The following ABLIM1 variants were observed in gnomAD, a reference collection of about 807,000 sequenced individuals.
ABLIM1 encodes the protein actin-binding LIM protein 1.
In ABLIM1, 40 loss-of-function variants were observed where a neutral mutation model predicts 107.0. The ratio of observed to expected loss-of-function variants is 0.37; its 90% CI spans 0.29 to 0.49. The LOEUF is 0.49. Ranked by LOEUF, ABLIM1 falls within the 20% of genes least tolerant of loss-of-function variation. ABLIM1 has a pLI of 0.97. For missense variants in ABLIM1, 857 were observed against 1,008.5 expected, an observed-to-expected ratio of 0.85 and a Z score of 2.04; for synonymous variants, 357 against 357.3, an observed-to-expected ratio of 1.00 and a Z score of 0.01.
chr10:114,673,130 T>C (rs986615152), intron 1 of ABLIM1, among the ~76,000 whole-genome samples: 6 of 151,736 alleles, frequency 4.0e-5, no homozygotes, highest in Admixed American at 2.6e-4. Flanking sequence ...TGGTGGTGCA[T>C]GCCTGCAATC....
intron 6 of ABLIM1, among the ~76,000 whole-genome samples, chr10:114,493,420 C>T (rs765892017): frequency 1.1e-4 from 17 of 152,178 alleles, no homozygotes; most frequent in Non-Finnish European, 1.9e-4. Context: ...TCAAGCTGAT[C>T]AAGTGTATTT....
chr10:114,635,773 TG>T (rs1302157733), intron 1 of ABLIM1, among the ~76,000 whole-genome samples: 1 of 152,188 alleles, frequency 6.6e-6, no homozygotes, highest in Non-Finnish European at 1.5e-5. Flanking sequence ...CTGCCTGCCT[TG>T]GCCTCTCAAG....
At chr10:114,639,037 A>G (rs755139859) in intron 1 of ABLIM1, among the ~76,000 whole-genome samples, 2 of 152,332 alleles carry the variant, frequency 1.3e-5, no homozygotes, top group East Asian at 1.9e-4. Flanking sequence ...AAGGTTTACA[A>G]AGCCTACATT....
chr10:114,460,724 G>A (rs1190369892), intron 12 of ABLIM1, among the ~76,000 whole-genome samples: 1 of 152,228 alleles, frequency 6.6e-6, no homozygotes, highest in African/African-American at 2.4e-5. Flanking sequence ...GGAGTCAAGT[G>A]ACACTCAACA....
At chr10:114,753,101 G>A (rs2082553317) in intron 1 of ABLIM1, among the ~76,000 whole-genome samples, 1 of 152,220 alleles carries the variant, frequency 6.6e-6, no homozygotes, top group Non-Finnish European at 1.5e-5. Context: ...TAAATGAAGT[G>A]AGGGGGAGTC....
At chr10:114,756,983 T>C (rs2082643804) in intron 1 of ABLIM1, among the ~76,000 whole-genome samples, 1 of 152,220 alleles carries the variant, frequency 6.6e-6, no homozygotes, top group African/African-American at 2.4e-5. Context: ...GCCTGGCTCA[T>C]ACCAAGCACT....
intron 4 of ABLIM1, among the ~76,000 whole-genome samples, chr10:114,561,437 T>C (rs576622929): frequency 6.6e-6 from 1 of 152,246 alleles, no homozygotes; most frequent in East Asian, 1.9e-4. Flanking sequence ...CATTATTTTA[T>C]TTTTAATACA....
intron 1 of ABLIM1, among the ~76,000 whole-genome samples, chr10:114,615,056 A>AT (rs969840455): frequency 6.6e-6 from 1 of 151,650 alleles, no homozygotes; most frequent in Non-Finnish European, 1.5e-5. Flanking sequence ...GTCTCAAAAA[A>AT]AAAAAAAGAA....
chr10:114,579,179 C>G (rs1055733385), intron 2 of ABLIM1, among the ~76,000 whole-genome samples: 3 of 144,614 alleles, frequency 2.1e-5, no homozygotes, highest in African/African-American at 7.6e-5. Flanking sequence ...TGTAGTAAAA[C>G]AATTTTTTTT....
chr10:114,786,885 T>G, the ABLIM1 span, among the ~76,000 whole-genome samples: 2 of 152,066 alleles, frequency 1.3e-5, no homozygotes, highest in Admixed American at 1.3e-4. Context: ...CCTCCCAAAG[T>G]GTGGAGATTG....
chr10:114,444,236 C>A, intron 16 of ABLIM1, 102 bp from the exon 17 acceptor site: 1 of 1,052,214 alleles, frequency 9.5e-7, no homozygotes, highest in South Asian at 1.6e-5. Context: ...CAAGAAGTTT[C>A]TCTTGCTGGA....
chr10:114,618,198 C>T (rs1426851744), intron 1 of ABLIM1, among the ~76,000 whole-genome samples: 7 of 152,150 alleles, frequency 4.6e-5, no homozygotes, highest in Admixed American at 4.6e-4. Context: ...CTGTTTTACA[C>T]TTTGCGAATG....
rs897483784 is a variant in ABLIM1 at position 114,619,633 on chromosome 10, T to A, written c.245-17672A>T. ...GCATGGCAGATAGTCCTGGTCCTGATCTTGCTCCTCCCTCCCTGGCTGTGA... is the reference window on the plus strand; with the variant it reads ...GCATGGCAGATAGTCCTGGTCCTGAACTTGCTCCTCCCTCCCTGGCTGTGA... On this transcript the variant is annotated intron_variant, in intron 1 of 22. Transcript: ENST00000533213. This position sits in a 1 kb window ranked among gnomAD's most constrained non-coding sequence, Gnocchi z 4.1. Among the ~76,000 whole-genome samples the A allele has an allele frequency of 2.0e-5, 3 of 152,194 alleles. No individual in the cohort carries two copies. Among genetic ancestry groups the A allele is most frequent in the Admixed American group, 1.3e-4 (2 of 15,278 alleles).
At chr10:114,733,056 A>G (rs1199357046) in intron 1 of ABLIM1, among the ~76,000 whole-genome samples, 1 of 152,162 alleles carries the variant, frequency 6.6e-6, no homozygotes, top group African/African-American at 2.4e-5. Context: ...AAGTGGCTCA[A>G]TTATGTTGTG....
chr10:114,744,680 T>G (rs808327), intron 1 of ABLIM1, among the ~76,000 whole-genome samples: 8,650 of 152,246 alleles, frequency 0.057, 321 homozygotes, highest in Middle Eastern at 0.095. Flanking sequence ...ATAAAGTTTC[T>G]AATACTTATT....
At chr10:114,516,530 A>T (rs1439422997) in intron 6 of ABLIM1, among the ~76,000 whole-genome samples, 1 of 152,178 alleles carries the variant, frequency 6.6e-6, no homozygotes, top group Non-Finnish European at 1.5e-5. Flanking sequence ...TCTCCAAAAA[A>T]AGCCAAAACA....
chr10:114,598,594 CAAAACAAAATA>C (rs140820088), intron 2 of ABLIM1, among the ~76,000 whole-genome samples: 105,529 of 151,246 alleles, frequency 0.7, 37,254 homozygotes, highest in African/African-American at 0.75. Flanking sequence ...ATCAAACAAA[CAAAACAAAATA>C]AAAACAAAAA....
intron 1 of ABLIM1, among the ~76,000 whole-genome samples, chr10:114,732,559 A>C (rs911248021): frequency 6.6e-6 from 1 of 152,192 alleles, no homozygotes; most frequent in Non-Finnish European, 1.5e-5. Flanking sequence ...TAAAGCACAA[A>C]AGATTATGAT....
chr10:114,551,090 G>T (rs993642670), intron 4 of ABLIM1, among the ~76,000 whole-genome samples: 2 of 152,192 alleles, frequency 1.3e-5, no homozygotes, highest in Non-Finnish European at 2.9e-5. Context: ...ACTCGGGCAA[G>T]TTACTCTCTC....
Sources: gnomAD v4.1 joint callset for allele counts (sites outside exome capture counted in the v4.1 genomes callset) on GRCh38, gnomAD v4.1.1 for gene constraint, Gnocchi (gnomAD v3.1) non-coding constraint, MANE v1.5 for transcripts, NCBI Gene and HGNC (gene_info 2026-07-23, HGNC 2026-07-21) for gene names.